Variants in CAMK2D observed in about 807,000 individuals in gnomAD.
CAMK2D encodes calcium/calmodulin-dependent protein kinase type II subunit delta.
A neutral mutation model predicts 84.0 loss-of-function variants in CAMK2D; 37 were observed. That is an observed-to-expected ratio of 0.44 (90% CI 0.34 to 0.58). CAMK2D has a LOEUF of 0.58. Ranked by LOEUF, CAMK2D falls within the 20% of genes least tolerant of loss-of-function variation. CAMK2D has a pLI of 0.02. For missense variants in CAMK2D, 448 were observed against 652.5 expected, an observed-to-expected ratio of 0.69 and a Z score of 3.41; for synonymous variants, 202 against 212.5, an observed-to-expected ratio of 0.95 and a Z score of 0.43.
intron 4 of CAMK2D, among the ~76,000 whole-genome samples, chr4:113,583,059 A>G (rs1277928110): frequency 6.6e-6 from 1 of 152,232 alleles, no homozygotes; most frequent in Non-Finnish European, 1.5e-5. Context: ...CAAGTGGCCT[A>G]AAACAGGTCT....
intron 2 of CAMK2D, among the ~76,000 whole-genome samples, chr4:113,685,767 A>C (rs1215424144): frequency 6.6e-6 from 1 of 152,070 alleles, no homozygotes; most frequent in Non-Finnish European, 1.5e-5. Context: ...CAGAGAATGA[A>C]AGTCTACAAG....
Position 113,457,497 on chromosome 4 carries a change from T to A in CAMK2D, c.1373A>T (p.Asp458Val). The change falls in exon 19 of 21, where the codon GAT becomes GTT. Residue 458 changes from aspartate to valine, a missense_variant. Physicochemically the swap from Asp to Val is radical, Grantham distance 152 (BLOSUM62 -3). Around this residue, in one of 7 missense-constraint regions of CAMK2D, gnomAD observed 219 missense variants for 272.1 expected, o/e 0.80. Coordinates refer to ENST00000511664, the MANE Select transcript of CAMK2D (RefSeq NM_001321571.2). ...AATATATGCTATGCAGGCGGCATCA[T>A]CCCCTACCAGATGTACATGAGGGTT... is the stretch of plus-strand genomic sequence containing the variant. ...ILNPHVHLVG[D>V]DAACIAYIRL... The A allele has an allele frequency of 6.2e-7, 1 of 1,613,508 alleles. No homozygotes were observed. The highest frequency in any genetic ancestry group is 8.5e-7 in the Non-Finnish European group (1 of 1,179,470).
rs78588361 is a variant in CAMK2D at position 113,677,596 on chromosome 4, G to A, written c.161-15824C>T. On this transcript the variant is annotated intron_variant, in intron 2 of 20. Transcript: ENST00000511664. ...CCAGAGCCTTCTCTAAGAGTCAAGC[G>A]ATGCAATACCATCTAAATAAGAAGG... 4.5e-3 allele frequency: 4,280 copies of A among 947,266 alleles called. 138 individuals are homozygous for A. The African/African-American group carries it at 0.068, about 15-fold the overall frequency. 58.7% of individuals were successfully genotyped at this position (947,266 alleles called of 1,614,324 possible).
Position 113,523,998 on chromosome 4 carries a change from T to C in CAMK2D, c.602-6341A>G, listed in dbSNP as rs141147301. On this transcript the variant is annotated intron_variant, in intron 8 of 20. Coordinates refer to ENST00000511664, the MANE Select transcript of CAMK2D (RefSeq NM_001321571.2). ...CCCGGGCTCAGCCTCTCGAGCAGAG[T>C]AGCTAGGACTACGGGTGTGTGCTAC... Among the ~76,000 whole-genome samples, 119 of 151,954 alleles carry C rather than the reference T, an allele frequency of 7.8e-4. 1 individual carries two copies. Among genetic ancestry groups the C allele is most frequent in the African/African-American group, 2.8e-3 (115 of 41,424 alleles).
At chr4:113,542,850 C>T (rs192879575) in intron 6 of CAMK2D, among the ~76,000 whole-genome samples, 24 of 152,242 alleles carry the variant, frequency 1.6e-4, no homozygotes, top group African/African-American at 5.8e-4. Flanking sequence ...TCCAAATTCT[C>T]TTCATTAAAA....
intron 2 of CAMK2D, among the ~76,000 whole-genome samples, chr4:113,726,191 T>G (rs140839159): frequency 6.6e-6 from 1 of 152,272 alleles, no homozygotes; most frequent in African/African-American, 2.4e-5. Flanking sequence ...TCCTCCAAAA[T>G]TAAGTATTGA....
At chr4:113,676,177 T>C (rs1561769577) in intron 2 of CAMK2D, among the ~76,000 whole-genome samples, 1 of 152,210 alleles carries the variant, frequency 6.6e-6, no homozygotes, top group Admixed American at 6.5e-5. Flanking sequence ...CACTGAAAGT[T>C]TGCCAACATT....
At chr4:113,622,303 T>A (rs2099049495) in intron 3 of CAMK2D, among the ~76,000 whole-genome samples, 1 of 152,264 alleles carries the variant, frequency 6.6e-6, no homozygotes, top group Admixed American at 6.5e-5. Context: ...TGGGACACTC[T>A]GAGAGTGAAA....
rs114014566 is a variant in CAMK2D at position 113,734,674 on chromosome 4, T to C, written c.160+24646A>G. 6.9e-3 allele frequency among the ~76,000 whole-genome samples: 1,046 copies of C among 152,316 alleles called. 19 individuals are homozygous for C. Among genetic ancestry groups the C allele is most frequent in the African/African-American group, 0.023 (975 of 41,564 alleles). On this transcript the variant is annotated intron_variant, in intron 2 of 20. Transcript: ENST00000511664. Reference sequence around the variant, plus strand: ...CAGCTGACAGCCTAGTTAGACTAGTTATTAAAATGACAACACTTTCATAAT... The same window carrying C: ...CAGCTGACAGCCTAGTTAGACTAGTCATTAAAATGACAACACTTTCATAAT...
At chr4:113,558,987 T>A (rs2098685716) in intron 4 of CAMK2D, among the ~76,000 whole-genome samples, 1 of 151,928 alleles carries the variant, frequency 6.6e-6, no homozygotes, top group Non-Finnish European at 1.5e-5. Flanking sequence ...GTCTCAAAAA[T>A]AAATAAATAC....
At chr4:113,613,707 C>A (rs2099010055) in intron 3 of CAMK2D, among the ~76,000 whole-genome samples, 1 of 152,062 alleles carries the variant, frequency 6.6e-6, no homozygotes, top group South Asian at 2.1e-4. Flanking sequence ...AGTGACTCAG[C>A]TATTTTATCT....
At chr4:113,527,809 G>T (rs1281056509) in intron 8 of CAMK2D, among the ~76,000 whole-genome samples, 1 of 152,180 alleles carries the variant, frequency 6.6e-6, no homozygotes, top group East Asian at 1.9e-4. Context: ...ATAATATGAT[G>T]TTTTGATATT....
At chr4:113,639,080 C>CAA (rs779226375) in intron 3 of CAMK2D, among the ~76,000 whole-genome samples, 12,993 of 127,168 alleles carry the variant, frequency 0.1, 867 homozygotes, top group East Asian at 0.2. Flanking sequence ...TTGCCTCTAC[C>CAA]AAAAAAAAAA....
intron 4 of CAMK2D, among the ~76,000 whole-genome samples, chr4:113,572,367 T>C (rs1016078382): frequency 8.6e-5 from 13 of 152,010 alleles, no homozygotes; most frequent in African/African-American, 2.9e-4. Context: ...AAAAAGGGCC[T>C]AATCTCATAC....
intron 6 of CAMK2D, among the ~76,000 whole-genome samples, chr4:113,541,840 C>CT (rs1206299171): frequency 1.8e-4 from 26 of 148,548 alleles, no homozygotes; most frequent in Admixed American, 2.7e-4. Context: ...TAAACTATTT[C>CT]TTTTTTTTTT....
intron 14 of CAMK2D, 145 bp downstream of exon 14, chr4:113,504,831 C>CAAAAAAA (rs35574643): frequency 5.4e-5 from 13 of 241,400 alleles, no homozygotes; most frequent in African/African-American, 1.0e-4. Context: ...TCATAGAAAG[C>CAAAAAAA]AAAAAAAAAA....
chr4:113,618,137 ATACAG>A (rs2099029579), intron 3 of CAMK2D, among the ~76,000 whole-genome samples: 2 of 152,194 alleles, frequency 1.3e-5, no homozygotes, highest in African/African-American at 4.8e-5. Flanking sequence ...GAAATAAACA[ATACAG>A]TAATTACCAA....
intron 16 of CAMK2D, among the ~76,000 whole-genome samples, chr4:113,479,471 C>A (rs1406074454): frequency 6.6e-6 from 1 of 152,022 alleles, no homozygotes; most frequent in Non-Finnish European, 1.5e-5. Flanking sequence ...AATGTAGAAA[C>A]CTCATAATTA....
intron 3 of CAMK2D, among the ~76,000 whole-genome samples, chr4:113,620,227 GC>G (rs1274628924): frequency 6.6e-6 from 1 of 152,042 alleles, no homozygotes; most frequent in African/African-American, 2.4e-5. Flanking sequence ...GTGTGTAGAG[GC>G]CCAAGAAAAC....
Sources: allele counts gnomAD v4.1 joint callset (sites outside exome capture counted in the v4.1 genomes callset), GRCh38; gene constraint gnomAD v4.1.1; regional missense constraint gnomAD v4.1.1; transcripts MANE v1.5; gene names NCBI Gene and HGNC (gene_info 2026-07-23, HGNC 2026-07-21).